Variants in SAR1B observed in about 807,000 individuals in gnomAD.
The protein encoded by SAR1B is secretion associated Ras related GTPase 1B.
In SAR1B, 23 loss-of-function variants were observed where a neutral mutation model predicts 26.8. The ratio of observed to expected loss-of-function variants is 0.86; its 90% CI spans 0.62 to 1.22. SAR1B has a LOEUF of 1.22. SAR1B is among the 50% of genes most tolerant of loss of function. The pLI is 0.00. For synonymous variants in SAR1B, 65 were observed against 80.8 expected (o/e 0.80, Z 1.05); for missense variants, 196 against 232.8 (o/e 0.84, Z 1.03).
At chr5:134,608,526 A>G (rs1337135374) in intron 5 of SAR1B, 23 bp from the exon 6 acceptor site, 2 of 1,606,140 alleles carry the variant, frequency 1.2e-6, no homozygotes, top group Admixed American at 3.4e-5. Flanking sequence ...AAACAATACA[A>G]AACAAGAGTT....
chr5:134,624,319 G>A lies in SAR1B; in HGVS notation c.-18-282C>T, dbSNP rs1299040485. Among the ~76,000 whole-genome samples the A allele has an allele frequency of 2.6e-5, 4 of 152,230 alleles. No homozygotes were observed. In the East Asian group the frequency reaches 5.8e-4, roughly 22 times the overall value. On this transcript the variant is annotated intron_variant, in intron 1 of 6. Coordinates refer to ENST00000402673, the MANE Select transcript of SAR1B (RefSeq NM_016103.4). ...AGCTACTCAGGAGGCTGAGGCAGGAGAATTACTTGAACCCAAGAAGTGGAG... is the reference window on the plus strand; with the variant it reads ...AGCTACTCAGGAGGCTGAGGCAGGAAAATTACTTGAACCCAAGAAGTGGAG...
chr5:134,631,022 A>G (rs1765595687), intron 1 of SAR1B, among the ~76,000 whole-genome samples: 1 of 149,744 alleles, frequency 6.7e-6, no homozygotes, highest in South Asian at 2.1e-4. Flanking sequence ...CTCAGCAGCG[A>G]GTAGCTGGGA....
At chr5:134,610,031 TTA>T (rs896905717) in intron 4 of SAR1B, among the ~76,000 whole-genome samples, 13 of 151,814 alleles carry the variant, frequency 8.6e-5, no homozygotes, top group African/African-American at 3.1e-4. Flanking sequence ...ATATATGTGA[TTA>T]TATATACATA....
At position 134,608,849 on chromosome 5, in the gene SAR1B, G is replaced by C. The variant is rs555294724; in HGVS notation, c.349-346C>G. ...GCAAGTTAGCCTGACTGAAGCTCTA[G>C]AGAGAATTAGGAACAGTAGCATCCA... On this transcript the variant is annotated intron_variant, in intron 5 of 6. Transcript: ENST00000402673. The C allele has an allele frequency of 3.0e-4, 113 of 375,502 alleles. 2 individuals are homozygous for C. In the Middle Eastern group the frequency reaches 0.017, roughly 58 times the overall value. 23.3% of individuals were successfully genotyped at this position (375,502 alleles called of 1,614,324 possible).
intron 5 of SAR1B, 29 bp downstream of exon 5, chr5:134,609,542 C>T (rs1281623473): frequency 6.4e-7 from 1 of 1,552,382 alleles, no homozygotes; most frequent in African/African-American, 1.4e-5. Flanking sequence ...AGTGATTTGA[C>T]TATATTTAGT....
chr5:134,609,075 C>T (rs1338799954), intron 5 of SAR1B: 1 of 456,684 alleles, frequency 2.2e-6, no homozygotes, highest in Non-Finnish European at 4.4e-6. Flanking sequence ...TACTCTGTGG[C>T]CCCAGATCTG....
At chr5:134,620,436 C>T (rs1245975847) in intron 3 of SAR1B, among the ~76,000 whole-genome samples, 1 of 152,152 alleles carries the variant, frequency 6.6e-6, no homozygotes, top group Non-Finnish European at 1.5e-5. Flanking sequence ...GGAGTACTAG[C>T]TGATAAAAAG....
At chr5:134,612,867 T>A in intron 3 of SAR1B, 111 bp from the exon 4 acceptor site, 2 of 985,768 alleles carry the variant, frequency 2.0e-6, no homozygotes, top group Non-Finnish European at 3.1e-6. Flanking sequence ...TAATTAAGAA[T>A]AAATAGTAAC....
At chr5:134,621,721 A>C (rs1765411993) in intron 2 of SAR1B, among the ~76,000 whole-genome samples, 1 of 152,098 alleles carries the variant, frequency 6.6e-6, no homozygotes, top group African/African-American at 2.4e-5. Context: ...GAACTGCTAA[A>C]TTTCATATTG....
chr5:134,620,818 C>T (rs142942833), intron 3 of SAR1B, 115 bp downstream of exon 3: 5 of 1,200,092 alleles, frequency 4.2e-6, no homozygotes, highest in African/African-American at 1.5e-5. Flanking sequence ...CATACCACTG[C>T]ATTGCAGCCT....
At chr5:134,608,851 G>T in intron 5 of SAR1B, 1 of 374,604 alleles carries the variant, frequency 2.7e-6, no homozygotes. Context: ...AAGCTCTAGA[G>T]AGAATTAGGA....
Position 134,612,676 on chromosome 5 carries a change from A to ATTAAATTT in SAR1B, c.244+14_244+15insAAATTTAA. ...AAAAAAAAAAAAAAAAAAAAAAAAA[A>ATTAAATTT]AAAAAGAATCTTACCTTGAACATGT... is the stretch of plus-strand genomic sequence containing the variant. On this transcript the variant is annotated intron_variant, in intron 4 of 6. Coordinates refer to ENST00000402673, the MANE Select transcript of SAR1B (RefSeq NM_016103.4). 1.8e-6 allele frequency: 2 copies of ATTAAATTT among 1,088,982 alleles called. No homozygotes were observed. Among genetic ancestry groups the ATTAAATTT allele is most frequent in the Non-Finnish European group, 2.5e-6 (2 of 789,124 alleles). The allele number at this position is 1,088,982 out of a possible 1,614,324, so 67.5% of individuals were successfully genotyped here. A position where few individuals can be genotyped will look rare whatever the true frequency, so the allele number is the denominator to read the frequency against.
At position 134,606,037 on chromosome 5, in the gene SAR1B, C is replaced by G. The variant is rs1324758879; in HGVS notation, c.*913G>C. On this transcript the variant is annotated 3_prime_UTR_variant, in exon 7 of 7. Coordinates refer to ENST00000402673, the MANE Select transcript of SAR1B (RefSeq NM_016103.4). ...AAGAGGCACAGATTACCCCATTGGG[C>G]ACCAATAAGACTGGAGCACTTCAGA... 1 of 152,208 alleles carries G rather than the reference C, an allele frequency of 6.6e-6. No homozygotes were observed. Among genetic ancestry groups the G allele is most frequent in the Non-Finnish European group, 1.5e-5 (1 of 68,052 alleles). The allele number at this position is 152,208 out of a possible 1,614,324, so 9.4% of individuals were successfully genotyped here.
At chr5:134,627,765 C>T (rs1017706172) in intron 1 of SAR1B, among the ~76,000 whole-genome samples, 2 of 150,750 alleles carry the variant, frequency 1.3e-5, no homozygotes, top group Admixed American at 6.6e-5. Context: ...CGCCACTGCA[C>T]TCCAGCCTGG....
rs556252226 is a variant in SAR1B at position 134,609,963 on chromosome 5, C to T, written c.245-289G>A. 1.7e-4 allele frequency among the ~76,000 whole-genome samples: 25 copies of T among 150,870 alleles called. No homozygotes were observed. In the South Asian group the frequency reaches 4.0e-3, roughly 24 times the overall value. On this transcript the variant is annotated intron_variant, in intron 4 of 6. Coordinates refer to ENST00000402673, the MANE Select transcript of SAR1B (RefSeq NM_016103.4). Reference sequence around the variant, plus strand: ...AAAAATAAAAATAAAAAAAAATACACGTTAAGTTCATTGGAGGACTGCTAC... The same window carrying T: ...AAAAATAAAAATAAAAAAAAATACATGTTAAGTTCATTGGAGGACTGCTAC...
intron 4 of SAR1B, among the ~76,000 whole-genome samples, chr5:134,610,867 G>C (rs1230419569): frequency 6.6e-6 from 1 of 150,860 alleles, no homozygotes; most frequent in Non-Finnish European, 1.5e-5. Flanking sequence ...TCACTGACTT[G>C]AGTTTTATGA....
chr5:134,618,153 T>C (rs1221720671), intron 3 of SAR1B: 12 of 152,100 alleles, frequency 7.9e-5, no homozygotes, highest in African/African-American at 2.4e-4. Flanking sequence ...CTGTCTCTAC[T>C]AAAAATACAA....
chr5:134,626,158 G>A (rs1401165852), intron 1 of SAR1B, among the ~76,000 whole-genome samples: 1 of 151,644 alleles, frequency 6.6e-6, no homozygotes, highest in Non-Finnish European at 1.5e-5. Context: ...AATTAGCTGG[G>A]TGTGGTGGTG....
intron 2 of SAR1B, among the ~76,000 whole-genome samples, chr5:134,623,121 CAAA>C (rs70976543): frequency 2.6e-5 from 3 of 113,914 alleles, no homozygotes; most frequent in African/African-American, 3.8e-5. Flanking sequence ...GACTCTGTCT[CAAA>C]AAAAAAAAAA....
Sources: allele counts gnomAD v4.1 joint callset (sites outside exome capture counted in the v4.1 genomes callset), GRCh38; gene constraint gnomAD v4.1.1; transcripts MANE v1.5; gene names NCBI Gene and HGNC (gene_info 2026-07-23, HGNC 2026-07-21).